The following ECPAS variants were observed in gnomAD, a reference collection of about 807,000 sequenced individuals.
ECPAS encodes the protein proteasome adapter and scaffold protein ECM29.
In ECPAS, 70 loss-of-function variants were observed where a neutral mutation model predicts 255.1. The observed-to-expected ratio is 0.27, with a 90% CI of 0.23 to 0.33. ECPAS has a LOEUF of 0.33. Ranked by LOEUF, ECPAS falls within the 10% of genes least tolerant of loss-of-function variation. ECPAS has a pLI of 1.00. For synonymous variants in ECPAS, 784 were observed against 775.0 expected (o/e 1.01, Z -0.19); for missense variants, 1,817 against 2,206.4 (o/e 0.82, Z 3.54).
intron 3 of ECPAS, among the ~76,000 whole-genome samples, chr9:111,446,194 C>CCT (rs963134913): frequency 8.9e-4 from 135 of 152,266 alleles, no homozygotes; most frequent in Middle Eastern, 3.4e-3. Flanking sequence ...TAACAAGCTT[C>CCT]CTCTCCTTTA....
chr9:111,368,896 A>G, intron 46 of ECPAS, 139 bp downstream of exon 46: 1 of 797,666 alleles, frequency 1.3e-6, no homozygotes, highest in Non-Finnish European at 1.8e-6. Flanking sequence ...TAGACAAAAA[A>G]CTTTCACTGG....
At position 111,460,080 on chromosome 9, in the gene ECPAS, AAT is replaced by A. The variant is rs1052957860; in HGVS notation, c.23-8527_23-8526del. 1.2e-4 allele frequency among the ~76,000 whole-genome samples: 18 copies of A among 152,346 alleles called. No individual in the cohort carries two copies. The South Asian group carries it at 2.3e-3, about 19-fold the overall frequency. On this transcript the variant is annotated intron_variant, in intron 2 of 49. Coordinates refer to ENST00000684092, the MANE Select transcript of ECPAS (RefSeq NM_001364929.1). The stretch of plus-strand genomic sequence containing the variant: ...ATCATAATACATAAAATAAGTAAAA[AAT>A]ATGAGTCAAATCCAGCGATACATAA...
Position 111,425,452 on chromosome 9 carries a change from T to C in ECPAS, c.1181A>G (p.Asn394Ser), listed in dbSNP as rs1397123635. The change falls in exon 12 of 50, where the codon AAT (asparagine) becomes AGT (serine). Residue 394 changes from asparagine (N) to serine (S), a missense_variant. Transcript: ENST00000684092. ...TTCATTGATTAGCTTGGTGAGGCCA[T>C]TCAAAAGCATTGGACCTAATGGCTT... is the stretch of plus-strand genomic sequence containing the variant. ...KIKPLGPMLL[N>S]GLTKLINEYK... 6 of 1,601,880 alleles carry C rather than the reference T, an allele frequency of 3.7e-6. No homozygotes were observed. Among genetic ancestry groups the C allele is most frequent in the Non-Finnish European group, 5.1e-6 (6 of 1,174,906 alleles).
intron 38 of ECPAS, 107 bp downstream of exon 38, chr9:111,375,006 A>G: frequency 1.3e-6 from 1 of 793,068 alleles, no homozygotes; most frequent in East Asian, 2.6e-5. Flanking sequence ...TTAGTGTATA[A>G]TATTAGATTT....
intron 35 of ECPAS, 102 bp from the exon 36 acceptor site, chr9:111,378,832 T>C (rs1815027143): frequency 2.6e-6 from 3 of 1,152,562 alleles, no homozygotes; most frequent in Non-Finnish European, 3.5e-6. Flanking sequence ...CATTAAAGCA[T>C]ATTTTCACAT....
Position 111,390,017 on chromosome 9 carries a change from T to C in ECPAS, c.3246A>G (p.Leu1082=). The C allele has an allele frequency of 6.2e-7, 1 of 1,600,144 alleles. No homozygotes were observed. Residue 1082 remains leucine (L), a synonymous_variant, in exon 30 of 50, where the codon TTA becomes TTG. Coordinates refer to ENST00000684092, the MANE Select transcript of ECPAS (RefSeq NM_001364929.1). ...QPDLVYKFMN[L]ANHHAMWNSR... ...AGTTCCACATTGCATGATGGTTGGC[T>C]AAATTCATAAATTTATACACCAGAT...
intron 6 of ECPAS, among the ~76,000 whole-genome samples, chr9:111,440,045 T>G (rs1006058972): frequency 6.6e-6 from 1 of 152,128 alleles, no homozygotes; most frequent in African/African-American, 2.4e-5. Context: ...TTTTTTTTTT[T>G]TGAGAGAGAG....
intron 24 of ECPAS, among the ~76,000 whole-genome samples, chr9:111,401,778 T>A (rs1589148664): frequency 6.6e-6 from 1 of 152,252 alleles, no homozygotes; most frequent in East Asian, 1.9e-4. Context: ...ATACTTCTCC[T>A]GCTCACACAT....
In ECPAS at chr9:111,410,976, T is replaced by C; in HGVS notation, c.2377+4A>G. On this transcript the variant is annotated splice_donor_region_variant and intron_variant, in intron 22 of 49. Transcript: ENST00000684092. Reference sequence around the variant, plus strand: ...ACCCAAATCGACATAAAGACATTAATTACCTATTGTTTCTGTAGCACTCTG... The same window carrying C: ...ACCCAAATCGACATAAAGACATTAACTACCTATTGTTTCTGTAGCACTCTG... 1 of 1,609,822 alleles carries C rather than the reference T, an allele frequency of 6.2e-7. No individual in the cohort carries two copies. The highest frequency in any genetic ancestry group is 8.5e-7 in the Non-Finnish European group (1 of 1,177,268).
At chr9:111,404,309 TAATGA>T (rs1338996064) in intron 24 of ECPAS, among the ~76,000 whole-genome samples, 1 of 149,704 alleles carries the variant, frequency 6.7e-6, no homozygotes, top group Non-Finnish European at 1.5e-5. Context: ...TACAGAAGTT[TAATGA>T]AATGAAAAAC....
chr9:111,460,287 G>C (rs1278283960), intron 2 of ECPAS, among the ~76,000 whole-genome samples: 1 of 152,078 alleles, frequency 6.6e-6, no homozygotes, highest in Non-Finnish European at 1.5e-5. Flanking sequence ...TAAATAGATG[G>C]GAACAAACTA....
intron 33 of ECPAS, 74 bp downstream of exon 33, chr9:111,385,263 T>C (rs1427868747): frequency 2.6e-6 from 2 of 780,180 alleles, no homozygotes; most frequent in Non-Finnish European, 4.1e-6. Context: ...AATTTTGACA[T>C]ACACAACATA....
intron 24 of ECPAS, among the ~76,000 whole-genome samples, chr9:111,398,834 G>A (rs1251578630): frequency 6.6e-6 from 1 of 152,176 alleles, no homozygotes; most frequent in Non-Finnish European, 1.5e-5. Flanking sequence ...CTATTTGGGA[G>A]GCTGAGGCAG....
At chr9:111,453,050 C>G (rs147653846) in intron 2 of ECPAS, among the ~76,000 whole-genome samples, 12 of 152,096 alleles carry the variant, frequency 7.9e-5, no homozygotes, top group African/African-American at 2.9e-4. Flanking sequence ...TCAAGACCAG[C>G]CTGATCAACA....
intron 10 of ECPAS, among the ~76,000 whole-genome samples, chr9:111,426,880 G>A (rs1007628494): frequency 5.3e-5 from 8 of 151,950 alleles, no homozygotes; most frequent in African/African-American, 1.9e-4. Flanking sequence ...GGAGATGGGA[G>A]AATCATTTGA....
chr9:111,399,021 T>G lies in ECPAS; in HGVS notation c.2653-1868A>C, dbSNP rs2098171640. ...GTCAATAATAATTTAATTGTACATT[T>G]TAAAATAGCTAAAAGAATATAATAG... On this transcript the variant is annotated intron_variant, in intron 24 of 49. Coordinates refer to ENST00000684092, the MANE Select transcript of ECPAS (RefSeq NM_001364929.1). 2.6e-5 allele frequency among the ~76,000 whole-genome samples: 4 copies of G among 151,172 alleles called. No individual in the cohort carries two copies. In the South Asian group the frequency reaches 8.3e-4, roughly 31 times the overall value.
chr9:111,454,958 T>C (rs1022588770), intron 2 of ECPAS, among the ~76,000 whole-genome samples: 8 of 152,024 alleles, frequency 5.3e-5, no homozygotes, highest in Admixed American at 1.3e-4. Flanking sequence ...TGGTCTTGAA[T>C]TCCTGGCCTC....
chr9:111,371,847 AAAC>A lies in ECPAS; in HGVS notation c.4529-21_4529-19del, dbSNP rs1433531874. On this transcript the variant is annotated intron_variant, in intron 42 of 49. Coordinates refer to ENST00000684092, the MANE Select transcript of ECPAS (RefSeq NM_001364929.1). ...AAAGGATCCTAGGAAAGCAAAATTAAAACAACTTTTAAGTGACAAGAAAAATTA... is the reference window on the plus strand; with the variant it reads ...AAAGGATCCTAGGAAAGCAAAATTAAAACTTTTAAGTGACAAGAAAAATTA... The A allele has an allele frequency of 6.3e-7, 1 of 1,587,416 alleles. No individual in the cohort carries two copies. Among genetic ancestry groups the A allele is most frequent in the Non-Finnish European group, 8.6e-7 (1 of 1,162,744 alleles).
intron 3 of ECPAS, among the ~76,000 whole-genome samples, chr9:111,445,548 A>G (rs920772650): frequency 2.0e-5 from 3 of 152,136 alleles, no homozygotes; most frequent in Non-Finnish European, 4.4e-5. Flanking sequence ...CAGTTATAAG[A>G]AGGTATGGGG....
Sources: gnomAD v4.1 joint callset for allele counts (sites outside exome capture counted in the v4.1 genomes callset) on GRCh38, gnomAD v4.1.1 for gene constraint, MANE v1.5 for transcripts, NCBI Gene and HGNC (gene_info 2026-07-23, HGNC 2026-07-21) for gene names.